Variants in EMCN observed in about 807,000 individuals in gnomAD.
EMCN encodes endomucin.
In EMCN, 37 loss-of-function variants were observed where a neutral mutation model predicts 38.4. That is an observed-to-expected ratio of 0.96 (90% confidence interval 0.74 to 1.27). EMCN has a LOEUF of 1.27. Ranked by LOEUF, EMCN falls within the 50% of genes most tolerant of loss-of-function variation. The pLI, the probability that EMCN is intolerant of heterozygous loss-of-function variation, is 0.00. For synonymous variants in EMCN, 95 were observed against 100.8 expected (o/e 0.94, Z 0.35); for missense variants, 318 against 302.8 (o/e 1.05, Z -0.37).
chr4:100,427,278 C>A (rs1308967556), intron 5 of EMCN, among the ~76,000 whole-genome samples: 3 of 151,156 alleles, frequency 2.0e-5, no homozygotes, highest in Non-Finnish European at 4.4e-5. Flanking sequence ...TTTAATATTT[C>A]TTTTTATATT....
At position 100,396,540 on chromosome 4, in the gene EMCN, CT is replaced by C. The variant is rs71594584; in HGVS notation, c.*1872del. The C allele has an allele frequency of 0.027, 2,646 of 99,454 alleles. 35 individuals are homozygous for C. Among genetic ancestry groups the C allele is most frequent in the African/African-American group, 0.083 (2,018 of 24,442 alleles). The allele number at this position is 99,454 out of a possible 1,614,324, so 6.2% of individuals were successfully genotyped here. On this transcript the variant is annotated 3_prime_UTR_variant, in exon 12 of 12. Coordinates refer to ENST00000296420, the MANE Select transcript of EMCN (RefSeq NM_016242.4). ...GGACTTTCTTTCTTTCTTTTTTTTC[CT>C]TTTTTTTTTTTTTTTTTTTGAGACA... is the stretch of plus-strand genomic sequence containing the variant.
intron 10 of EMCN, 82 bp from the exon 11 acceptor site, chr4:100,410,437 T>A: frequency 7.1e-7 from 1 of 1,399,328 alleles, no homozygotes; most frequent in East Asian, 2.3e-5. Context: ...TTTTTTCTAT[T>A]TTTCAAGGAA....
intron 1 of EMCN, among the ~76,000 whole-genome samples, chr4:100,508,451 T>C (rs3775366): frequency 0.42 from 63,164 of 151,978 alleles, 14,036 homozygotes; most frequent in East Asian, 0.71. Flanking sequence ...AAGGATTCTG[T>C]ATTTAACAAA....
chr4:100,508,736 C>A (rs560818017), intron 1 of EMCN, among the ~76,000 whole-genome samples: 9 of 152,254 alleles, frequency 5.9e-5, no homozygotes, highest in African/African-American at 2.2e-4. Flanking sequence ...GAATTACAGA[C>A]CACTAATTTT....
intron 4 of EMCN, among the ~76,000 whole-genome samples, chr4:100,460,861 T>C (rs760564533): frequency 6.6e-6 from 1 of 152,216 alleles, no homozygotes; most frequent in Non-Finnish European, 1.5e-5. Context: ...ATCTGAAAAA[T>C]CATTGCACAG....
intron 3 of EMCN, among the ~76,000 whole-genome samples, chr4:100,467,092 G>C (rs1728337752): frequency 6.6e-6 from 1 of 152,086 alleles, no homozygotes; most frequent in South Asian, 2.1e-4. Context: ...CAAAGATTTT[G>C]CTTAGAGAAT....
chr4:100,416,562 C>A (rs1412874961), intron 9 of EMCN, among the ~76,000 whole-genome samples: 2 of 152,086 alleles, frequency 1.3e-5, no homozygotes, highest in African/African-American at 4.8e-5. Flanking sequence ...AAGTTTACAA[C>A]CTTATGAAAC....
chr4:100,416,918 A>G (rs1726752853), intron 9 of EMCN, among the ~76,000 whole-genome samples, 199 bp downstream of exon 9: 1 of 151,968 alleles, frequency 6.6e-6, no homozygotes, highest in Non-Finnish European at 1.5e-5. Flanking sequence ...TTTATTTCCC[A>G]TTTTACCATT....
chr4:100,495,874 T>A lies in EMCN; in HGVS notation c.65-15835A>T, dbSNP rs57383320. The stretch of plus-strand genomic sequence containing the variant: ...ATAAGTAAATTTATTCTTGAATAGC[T>A]AGAATCATCAAAATATTAGGATTAT... On this transcript the variant is annotated intron_variant, in intron 1 of 11. Transcript: ENST00000296420. 4.0e-5 allele frequency among the ~76,000 whole-genome samples: 6 copies of A among 151,824 alleles called. No homozygotes were observed. The East Asian group carries it at 1.2e-3, about 29-fold the overall frequency.
intron 4 of EMCN, 99 bp downstream of exon 4, chr4:100,465,324 A>G (rs1728285387): frequency 7.6e-6 from 5 of 661,266 alleles, no homozygotes; most frequent in Non-Finnish European, 1.1e-5. Flanking sequence ...CAATTTAAGC[A>G]GAGCATAATT....
At chr4:100,412,127 C>A (rs978942769) in intron 10 of EMCN, among the ~76,000 whole-genome samples, 1 of 152,126 alleles carries the variant, frequency 6.6e-6, no homozygotes, top group Non-Finnish European at 1.5e-5. Flanking sequence ...GAGCAAGAGA[C>A]TCTCTCTTCC....
intron 4 of EMCN, among the ~76,000 whole-genome samples, chr4:100,459,137 C>G (rs929913278): frequency 1.4e-5 from 2 of 147,078 alleles, no homozygotes; most frequent in African/African-American, 5.1e-5. Context: ...AGTTGGACAA[C>G]TCCTCCTAGC....
At chr4:100,453,697 A>C (rs1314081459) in intron 4 of EMCN, among the ~76,000 whole-genome samples, 1 of 152,156 alleles carries the variant, frequency 6.6e-6, no homozygotes, top group Admixed American at 6.5e-5. Context: ...ATTATAAATC[A>C]TGCTGCTATA....
rs1285823666 is a variant in EMCN at position 100,395,840 on chromosome 4, C to T, written c.*2573G>A. On this transcript the variant is annotated 3_prime_UTR_variant, in exon 12 of 12. Coordinates refer to ENST00000296420, the MANE Select transcript of EMCN (RefSeq NM_016242.4). Reference sequence around the variant, plus strand: ...GAGCCTGTATGTCAGCCAACAACATCCACTTAGTCTCAGGTGACAACAGTG... The same window carrying T: ...GAGCCTGTATGTCAGCCAACAACATTCACTTAGTCTCAGGTGACAACAGTG... 1 of 152,156 alleles carries T rather than the reference C, an allele frequency of 6.6e-6. No homozygotes were observed. The highest frequency in any genetic ancestry group is 1.5e-5 in the Non-Finnish European group (1 of 68,026). The allele number at this position is 152,156 out of a possible 1,614,324, so 9.4% of individuals were successfully genotyped here. A position where few individuals can be genotyped will look rare whatever the true frequency, so the allele number is the denominator to read the frequency against.
intron 1 of EMCN, among the ~76,000 whole-genome samples, chr4:100,481,333 C>G (rs1578223151): frequency 6.6e-6 from 1 of 152,038 alleles, no homozygotes; most frequent in Non-Finnish European, 1.5e-5. Flanking sequence ...AATGTCATGA[C>G]ATAGAGAATA....
At chr4:100,468,080 G>A (rs1274784430) in intron 3 of EMCN, among the ~76,000 whole-genome samples, 1 of 152,152 alleles carries the variant, frequency 6.6e-6, no homozygotes, top group East Asian at 1.9e-4. Context: ...TTTGGTATAG[G>A]TGGGACACAT....
At chr4:100,463,460 T>G (rs1261102712) in intron 4 of EMCN, among the ~76,000 whole-genome samples, 1 of 152,182 alleles carries the variant, frequency 6.6e-6, no homozygotes, top group African/African-American at 2.4e-5. Flanking sequence ...AAGCTCATCA[T>G]TTTCTTTCCT....
chr4:100,512,779 C>T (rs530181022), intron 1 of EMCN, among the ~76,000 whole-genome samples: 1 of 149,136 alleles, frequency 6.7e-6, no homozygotes, highest in African/African-American at 2.5e-5. Flanking sequence ...GCACTCCAGC[C>T]TGGGCAACAA....
chr4:100,417,085 G>T (rs1726757071), intron 9 of EMCN, 32 bp downstream of exon 9: 4 of 1,607,732 alleles, frequency 2.5e-6, no homozygotes, highest in African/African-American at 2.7e-5. Context: ...AAATGGTAGG[G>T]TCTAAACAAA....
Sources: gnomAD v4.1 joint callset for allele counts (sites outside exome capture counted in the v4.1 genomes callset) on GRCh38, gnomAD v4.1.1 for gene constraint, MANE v1.5 for transcripts, NCBI Gene and HGNC (gene_info 2026-07-23, HGNC 2026-07-21) for gene names.